CHAF1B: variants seen among roughly 807,000 people sequenced by gnomAD.
CHAF1B encodes the protein chromatin assembly factor 1 subunit B, also known as CAF-1 subunit B.
In CHAF1B, 10 loss-of-function variants were observed where a neutral mutation model predicts 60.7. The ratio of observed to expected loss-of-function variants is 0.16; its 90% CI spans 0.10 to 0.28. CHAF1B has a LOEUF of 0.28. Among genes scored for constraint, CHAF1B ranks in the 10% least tolerant of loss-of-function variants. The pLI, the probability that CHAF1B is intolerant of heterozygous loss-of-function variation, is 1.00. For synonymous variants in CHAF1B, 261 were observed against 266.1 expected (o/e 0.98, Z 0.19); for missense variants, 558 against 708.4 (o/e 0.79, Z 2.41).
intron 8 of CHAF1B, 66 bp downstream of exon 8, chr21:36,402,917 G>C (rs775264268): frequency 2.3e-6 from 3 of 1,305,948 alleles, no homozygotes; most frequent in African/African-American, 1.5e-5. Context: ...CCCGTTTTAC[G>C]CTGCAGCTTA....
chr21:36,387,698 C>T lies in CHAF1B; in HGVS notation c.227C>T (p.Pro76Leu), dbSNP rs753383650. ...GCCGTCAATGTTGTGCGTTTTTCTC[C>T]AACTGGGGAAATTTTAGCATCGGGA... The part of the protein sequence containing the change: ...TKAVNVVRFS[P>L]TGEILASGGD... The change falls in exon 3 of 14, where the codon CCA becomes CTA. Residue 76 changes from proline (P) to leucine (L), a missense_variant. Physicochemically the swap from Pro to Leu is moderately conservative, Grantham distance 98. This residue lies in a region of CHAF1B where 325 missense variants were observed against 493.5 expected (regional missense o/e 0.66). Coordinates refer to ENST00000314103, the MANE Select transcript of CHAF1B (RefSeq NM_005441.3). 6.2e-6 allele frequency: 10 copies of T among 1,614,006 alleles called. No individual in the cohort carries two copies. Among genetic ancestry groups the T allele is most frequent in the Non-Finnish European group, 5.1e-6 (6 of 1,180,034 alleles).
At chr21:36,390,444 A>G (rs2086077597) in intron 3 of CHAF1B, among the ~76,000 whole-genome samples, 1 of 151,940 alleles carries the variant, frequency 6.6e-6, no homozygotes, top group African/African-American at 2.4e-5. Flanking sequence ...AAGCTAAGGG[A>G]TGGTCAGAAG....
rs76752016 is a variant in CHAF1B, at chr21:36,413,696, G to A, written c.1493+381G>A. On this transcript the variant is annotated intron_variant, in intron 12 of 13. Coordinates refer to ENST00000314103, the MANE Select transcript of CHAF1B (RefSeq NM_005441.3). Reference sequence around the variant, plus strand: ...CTCTGTCCTTCCCTTCTCTGGGGAAGCCCTGGACACCTCTTCCTCTTGGTG... The same window carrying A: ...CTCTGTCCTTCCCTTCTCTGGGGAAACCCTGGACACCTCTTCCTCTTGGTG... Among the ~76,000 whole-genome samples, 1,208 of 152,292 alleles carry A rather than the reference G, an allele frequency of 7.9e-3. 16 individuals are homozygous for A. Among genetic ancestry groups the A allele is most frequent in the African/African-American group, 0.028 (1,157 of 41,568 alleles).
At chr21:36,387,820 C>G in intron 3 of CHAF1B, 90 bp downstream of exon 3, 1 of 1,124,710 alleles carries the variant, frequency 8.9e-7, no homozygotes, top group South Asian at 1.5e-5. Flanking sequence ...GCTGGATATG[C>G]TTTTTTTTTT....
At chr21:36,414,396 C>T (rs2086301919) in intron 12 of CHAF1B, among the ~76,000 whole-genome samples, 1 of 152,154 alleles carries the variant, frequency 6.6e-6, no homozygotes, top group Non-Finnish European at 1.5e-5. Flanking sequence ...GGCTTTAACG[C>T]CCTCTTAAAA....
chr21:36,404,779 T>G (rs2086223952), intron 8 of CHAF1B, among the ~76,000 whole-genome samples: 1 of 140,706 alleles, frequency 7.1e-6, no homozygotes, highest in Non-Finnish European at 1.5e-5. Context: ...AGTCTCGCTC[T>G]GTCACCCAGG....
Position 36,409,553 on chromosome 21 carries a change from G to A in CHAF1B, c.919+88G>A, listed in dbSNP as rs1601567516. ...TGGAGATTTGGATTCTGTCTTATGG[G>A]GAAAGGTGGGTATCTGGGTTTGGTT... is the stretch of plus-strand genomic sequence containing the variant. On this transcript the variant is annotated intron_variant, in intron 10 of 13. Transcript: ENST00000314103. 3.7e-6 allele frequency: 3 copies of A among 810,182 alleles called. No individual in the cohort carries two copies. The East Asian group carries it at 7.8e-5, about 21-fold the overall frequency. The allele number at this position is 810,182 out of a possible 1,614,324, so 50.2% of individuals were successfully genotyped here.
In CHAF1B at chr21:36,415,399, A is replaced by T; in HGVS notation, c.1588+10A>T. ...GAAGAAATTCAGTCAGGTAAGTAAT[A>T]TTGTTACTGGTTTAATATAATGAAA... On this transcript the variant is annotated intron_variant, in intron 13 of 13. Coordinates refer to ENST00000314103, the MANE Select transcript of CHAF1B (RefSeq NM_005441.3). The T allele has an allele frequency of 6.8e-7, 1 of 1,475,170 alleles. No individual in the cohort carries two copies. The allele number at this position is 1,475,170 out of a possible 1,614,324, so 91.4% of individuals were successfully genotyped here. A position where few individuals can be genotyped will look rare whatever the true frequency, so the allele number is the denominator to read the frequency against.
intron 5 of CHAF1B, among the ~76,000 whole-genome samples, chr21:36,395,153 C>T (rs1050020869): frequency 1.2e-4 from 18 of 152,088 alleles, no homozygotes; most frequent in Admixed American, 5.9e-4. Context: ...CGGGTTCAAG[C>T]GATTCTCCTG....
chr21:36,386,647 T>C (rs1009581113), intron 2 of CHAF1B, among the ~76,000 whole-genome samples: 1 of 152,100 alleles, frequency 6.6e-6, no homozygotes, highest in African/African-American at 2.4e-5. Context: ...TAAACTACTT[T>C]GTCATCTAGC....
Position 36,387,816 on chromosome 21 carries a change from T to A in CHAF1B, c.259+86T>A, listed in dbSNP as rs950788651. ...GTCAGATAGTGAGATTTGAGCTGGA[T>A]ATGCTTTTTTTTTTTTTTTGAGATA... On this transcript the variant is annotated intron_variant, in intron 3 of 13. Transcript: ENST00000314103. 2.8e-6 allele frequency: 4 copies of A among 1,443,582 alleles called. No homozygotes were observed. The African/African-American group carries it at 5.8e-5, about 21-fold the overall frequency. The allele number at this position is 1,443,582 out of a possible 1,614,324, so 89.4% of individuals were successfully genotyped here. A position where few individuals can be genotyped will look rare whatever the true frequency, so the allele number is the denominator to read the frequency against.
chr21:36,411,466 T>C lies in CHAF1B; in HGVS notation c.923T>C (p.Val308Ala), dbSNP rs753212082. ...FELRPVVETG[V>A]ELMSLPYRLV... Reference sequence around the variant, plus strand: ...TGTCTCTGTCCCCAACCCCCAGGTGTGGAGCTGATGAGTCTGCCCTACCGC... The same window carrying C: ...TGTCTCTGTCCCCAACCCCCAGGTGCGGAGCTGATGAGTCTGCCCTACCGC... Residue 308 changes from valine (V) to alanine (A), a missense_variant, in exon 11 of 14, where the codon GTG (valine) becomes GCG (alanine). Coordinates refer to ENST00000314103, the MANE Select transcript of CHAF1B (RefSeq NM_005441.3). 4.3e-6 allele frequency: 7 copies of C among 1,613,792 alleles called. No homozygotes were observed. The highest frequency in any genetic ancestry group is 1.7e-4 in the Middle Eastern group (1 of 5,830).
chr21:36,391,870 C>CT (rs553736700), intron 4 of CHAF1B, among the ~76,000 whole-genome samples: 444 of 144,852 alleles, frequency 3.1e-3, no homozygotes, highest in Middle Eastern at 0.027. Flanking sequence ...ATAGCTGGGA[C>CT]TACAGGTGCA....
chr21:36,409,158 ATTTTTT>A (rs1163222508), intron 9 of CHAF1B, among the ~76,000 whole-genome samples: 1 of 94,658 alleles, frequency 1.1e-5, no homozygotes, highest in African/African-American at 3.9e-5. Flanking sequence ...CCCGGCTTGT[ATTTTTT>A]TTTTTTTTTT....
In CHAF1B at chr21:36,413,308, A is replaced by T. The variant is rs1352588501; in HGVS notation, c.1486A>T (p.Thr496Ser). 1 of 1,569,244 alleles carries T rather than the reference A, an allele frequency of 6.4e-7. No individual in the cohort carries two copies. Reference protein sequence around the residue: ...LNTLQAWSKTTPRRINLTPLK... With the variant: ...LNTLQAWSKTSPRRINLTPLK... Reference sequence around the variant, plus strand: ...CACACTGCAAGCCTGGAGCAAGACAACACCCCGGTAAGAACTTGTTGGAAC... The same window carrying T: ...CACACTGCAAGCCTGGAGCAAGACATCACCCCGGTAAGAACTTGTTGGAAC... Residue 496 changes from threonine to serine, a missense_variant, in exon 12 of 14, where the codon ACA (threonine) becomes TCA (serine). By Grantham distance (58) the Thr-to-Ser change is moderately conservative. Coordinates refer to ENST00000314103, the MANE Select transcript of CHAF1B (RefSeq NM_005441.3).
intron 4 of CHAF1B, among the ~76,000 whole-genome samples, chr21:36,393,931 A>T (rs1387789232): frequency 6.7e-6 from 1 of 149,586 alleles, no homozygotes; most frequent in Non-Finnish European, 1.5e-5. Context: ...TCAGAGTCTC[A>T]CTCTGTTGCG....
In CHAF1B at chr21:36,417,329, T is replaced by TG. The variant is rs2086327600; in HGVS notation, c.*963_*964insG. The TG allele has an allele frequency of 3.4e-5, 5 of 147,402 alleles. No individual in the cohort carries two copies. Among genetic ancestry groups the TG allele is most frequent in the African/African-American group, 1.3e-4 (5 of 39,516 alleles). The allele number at this position is 147,402 out of a possible 1,614,324, so 9.1% of individuals were successfully genotyped here. ...ACACAAGTATGTGTGTATATATATATTTTTTTTCTTTTTTTTTTGAGATGG... is the reference window on the plus strand; with the variant it reads ...ACACAAGTATGTGTGTATATATATATGTTTTTTTCTTTTTTTTTTGAGATGG... On this transcript the variant is annotated 3_prime_UTR_variant, in exon 14 of 14. Transcript: ENST00000314103.
At chr21:36,386,703 A>C (rs1360162136) in intron 2 of CHAF1B, among the ~76,000 whole-genome samples, 1 of 152,028 alleles carries the variant, frequency 6.6e-6, no homozygotes, top group Admixed American at 6.6e-5. Flanking sequence ...ATGAAAGCAA[A>C]AGAGAGCTGC....
In CHAF1B at chr21:36,412,494, G is replaced by A. The variant is rs573413046; in HGVS notation, c.1062-390G>A. On this transcript the variant is annotated intron_variant, in intron 11 of 13. Transcript: ENST00000314103. ...CCTGCCTCAGCCTCCCGAATAGCTG[G>A]GATTACAGGCGCCCACCACCATGGC... 2.0e-4 allele frequency among the ~76,000 whole-genome samples: 31 copies of A among 152,138 alleles called. No homozygotes were observed. The South Asian group carries it at 6.2e-3, about 31-fold the overall frequency.
Sources: allele counts gnomAD v4.1 joint callset (sites outside exome capture counted in the v4.1 genomes callset), GRCh38; gene constraint gnomAD v4.1.1; regional missense constraint gnomAD v4.1.1; transcripts MANE v1.5; gene names NCBI Gene and HGNC (gene_info 2026-07-23, HGNC 2026-07-21).